The following C8orf34 variants were observed in gnomAD, a reference collection of about 807,000 sequenced individuals.
C8orf34 encodes the protein uncharacterized protein C8orf34.
In C8orf34, 65 loss-of-function variants were observed where a neutral mutation model predicts 68.3. That is an observed-to-expected ratio of 0.95 (90% CI 0.78 to 1.17). C8orf34 has a LOEUF of 1.17. Ranked by LOEUF, C8orf34 falls within the 50% of genes most tolerant of loss-of-function variation. The probability of loss-of-function intolerance (pLI) is 0.00; values close to 1 mark genes in which losing one functional copy is unlikely to be tolerated. For missense variants in C8orf34, 664 were observed against 655.4 expected, an observed-to-expected ratio of 1.01 and a Z score of -0.14; for synonymous variants, 244 against 241.2, an observed-to-expected ratio of 1.01 and a Z score of -0.11.
chr8:68,589,090 C>T (rs751965139), intron 7 of C8orf34, among the ~76,000 whole-genome samples: 7 of 152,124 alleles, frequency 4.6e-5, no homozygotes, highest in East Asian at 1.9e-4. Context: ...GAACAGCAAA[C>T]GGCCAGGCAC....
intron 1 of C8orf34, among the ~76,000 whole-genome samples, chr8:68,395,513 G>A (rs1464020765): frequency 1.3e-5 from 2 of 151,950 alleles, no homozygotes; most frequent in Admixed American, 6.6e-5. Context: ...TGATGTCAAA[G>A]GACATGTTCT....
At chr8:68,384,572 A>G (rs1433221675) in intron 1 of C8orf34, among the ~76,000 whole-genome samples, 1 of 152,226 alleles carries the variant, frequency 6.6e-6, no homozygotes, top group Non-Finnish European at 1.5e-5. Flanking sequence ...TTAAGAAGTG[A>G]GGAGATGCAT....
chr8:68,683,697 A>T (rs549340433), intron 8 of C8orf34, among the ~76,000 whole-genome samples: 2 of 152,308 alleles, frequency 1.3e-5, no homozygotes, highest in East Asian at 3.9e-4. Flanking sequence ...GAACCTGTAC[A>T]TAGTCTTTCC....
chr8:68,494,948 G>A lies in C8orf34; in HGVS notation c.765+6897G>A, dbSNP rs183864260. Among the ~76,000 whole-genome samples the A allele has an allele frequency of 1.4e-4, 21 of 151,022 alleles. No homozygotes were observed. In the East Asian group the frequency reaches 3.3e-3, roughly 24 times the overall value. On this transcript the variant is annotated intron_variant, in intron 5 of 13. Coordinates refer to ENST00000518698, the MANE Select transcript of C8orf34 (RefSeq NM_052958.4). ...AAAAAATATATATATATTTGTGTGC[G>A]TGTATATGTATATATTCTTTATAAC...
chr8:68,783,388 T>G (rs542866161), intron 11 of C8orf34, among the ~76,000 whole-genome samples: 129 of 151,984 alleles, frequency 8.5e-4, no homozygotes, highest in African/African-American at 3.0e-3. Context: ...CATGGAGGCG[T>G]GTGCCTGCAA....
intron 1 of C8orf34, among the ~76,000 whole-genome samples, chr8:68,361,400 G>T (rs1401314535): frequency 6.6e-6 from 1 of 152,128 alleles, no homozygotes; most frequent in Non-Finnish European, 1.5e-5. Flanking sequence ...GCTTTTGTGG[G>T]AGGAGGATTC....
intron 9 of C8orf34, among the ~76,000 whole-genome samples, chr8:68,710,678 G>A (rs1019101532): frequency 1.3e-5 from 2 of 152,106 alleles, no homozygotes; most frequent in African/African-American, 4.8e-5. Context: ...CTCCCAACTG[G>A]TGGTCTTTCT....
intron 7 of C8orf34, among the ~76,000 whole-genome samples, chr8:68,616,423 A>T (rs2130601707): frequency 6.6e-6 from 1 of 152,280 alleles, no homozygotes. Flanking sequence ...TCTTGTGGGC[A>T]TTTAGTGCTA....
intron 8 of C8orf34, among the ~76,000 whole-genome samples, chr8:68,699,490 T>C (rs752472334): frequency 1.3e-5 from 2 of 152,034 alleles, no homozygotes; most frequent in Non-Finnish European, 2.9e-5. Context: ...TTCAGGGAGA[T>C]TGGAATGTCC....
intron 5 of C8orf34, among the ~76,000 whole-genome samples, chr8:68,514,749 T>A (rs73266567): frequency 1.3e-5 from 2 of 152,076 alleles, no homozygotes; most frequent in Non-Finnish European, 2.9e-5. Flanking sequence ...GTGACTGGGC[T>A]TTTGTAGTCC....
At chr8:68,685,905 A>G (rs1241793769) in intron 8 of C8orf34, among the ~76,000 whole-genome samples, 1 of 151,250 alleles carries the variant, frequency 6.6e-6, no homozygotes, top group Non-Finnish European at 1.5e-5. Flanking sequence ...TAAATAAATA[A>G]ATAAATAAAT....
intron 7 of C8orf34, among the ~76,000 whole-genome samples, chr8:68,629,765 GTA>G (rs1818635711): frequency 6.6e-6 from 1 of 151,944 alleles, no homozygotes; most frequent in Non-Finnish European, 1.5e-5. Context: ...GTGTGTGTGT[GTA>G]TATGTGTCTG....
At chr8:68,442,217 A>G (rs1480794380) in intron 2 of C8orf34, among the ~76,000 whole-genome samples, 1 of 152,132 alleles carries the variant, frequency 6.6e-6, no homozygotes. Flanking sequence ...AGATTGAAGT[A>G]AGGGCACCAA....
At position 68,522,125 on chromosome 8, in the gene C8orf34, G is replaced by A. The variant is rs547686715; in HGVS notation, c.938+154G>A. Among the ~76,000 whole-genome samples, 5 of 152,284 alleles carry A rather than the reference G, an allele frequency of 3.3e-5. No homozygotes were observed. In the South Asian group the frequency reaches 1.0e-3, roughly 32 times the overall value. On this transcript the variant is annotated intron_variant, in intron 6 of 13. Coordinates refer to ENST00000518698, the MANE Select transcript of C8orf34 (RefSeq NM_052958.4). ...ACATAGGATAAAAACATCAATTGCT[G>A]TCTCTTAAAATGAGAGTTTCAGACC...
intron 5 of C8orf34, among the ~76,000 whole-genome samples, chr8:68,511,248 G>A (rs115083313): frequency 0.012 from 1,877 of 152,304 alleles, 41 homozygotes; most frequent in African/African-American, 0.042. Context: ...GGTGCGCCTC[G>A]TGGATGGAGC....
intron 7 of C8orf34, chr8:68,625,512 G>A (rs888104749): frequency 3.8e-5 from 23 of 606,936 alleles, no homozygotes; most frequent in Non-Finnish European, 6.6e-5. Context: ...TTGGGGTGGC[G>A]ATGCTTTGTG....
intron 7 of C8orf34, among the ~76,000 whole-genome samples, chr8:68,569,913 C>G (rs1816711312): frequency 6.6e-6 from 1 of 152,180 alleles, no homozygotes; most frequent in South Asian, 2.1e-4. Flanking sequence ...ATTGAATGAA[C>G]TGCTAGAAAA....
intron 1 of C8orf34, among the ~76,000 whole-genome samples, chr8:68,362,635 C>T (rs1444039465): frequency 6.6e-6 from 1 of 152,232 alleles, no homozygotes; most frequent in East Asian, 1.9e-4. Flanking sequence ...CAGGGGCACA[C>T]TGACACCTCA....
At chr8:68,498,313 C>G (rs1402372771) in intron 5 of C8orf34, among the ~76,000 whole-genome samples, 1 of 152,178 alleles carries the variant, frequency 6.6e-6, no homozygotes, top group Admixed American at 6.5e-5. Context: ...GAAGCTTGCC[C>G]TCTTAGAATT....
Sources: allele counts gnomAD v4.1 joint callset (sites outside exome capture counted in the v4.1 genomes callset), GRCh38; gene constraint gnomAD v4.1.1; transcripts MANE v1.5; gene names NCBI Gene and HGNC (gene_info 2026-07-23, HGNC 2026-07-21).